ARHGAP25: variants seen among roughly 807,000 people sequenced by gnomAD.
ARHGAP25 encodes the protein rho GTPase-activating protein 25.
A neutral mutation model predicts 71.0 loss-of-function variants in ARHGAP25; 34 were observed. That is an observed-to-expected ratio of 0.48 (90% CI 0.36 to 0.64). The LOEUF (loss-of-function observed/expected upper bound fraction) is 0.64. Ranked by LOEUF, ARHGAP25 falls within the 30% of genes least tolerant of loss-of-function variation. The probability of loss-of-function intolerance (pLI) is 0.00; values close to 1 mark genes in which losing one functional copy is unlikely to be tolerated. For synonymous variants in ARHGAP25, 282 were observed against 296.5 expected, an observed-to-expected ratio of 0.95 and a Z score of 0.50; for missense variants, 706 against 805.1, an observed-to-expected ratio of 0.88 and a Z score of 1.49.
chr2:68,796,355 C>T (rs1415992930), intron 4 of ARHGAP25, among the ~76,000 whole-genome samples: 2 of 152,214 alleles, frequency 1.3e-5, no homozygotes, highest in Non-Finnish European at 2.9e-5. Flanking sequence ...TGGTTAGGAG[C>T]TATTGCTAGA....
At chr2:68,720,123 A>G (rs563997289) in intron 2 of ARHGAP25, among the ~76,000 whole-genome samples, 4 of 152,248 alleles carry the variant, frequency 2.6e-5, no homozygotes, top group Non-Finnish European at 4.4e-5. Context: ...TCTAGAAATC[A>G]CACACCCAGT....
chr2:68,736,603 T>A (rs1180857329), intron 1 of ARHGAP25, among the ~76,000 whole-genome samples: 1 of 152,182 alleles, frequency 6.6e-6, no homozygotes, highest in Non-Finnish European at 1.5e-5. Context: ...CAATTAATAG[T>A]TAAATGATTT....
intron 1 of ARHGAP25, among the ~76,000 whole-genome samples, chr2:68,738,948 A>G (rs1259152269): frequency 6.6e-6 from 1 of 152,186 alleles, no homozygotes; most frequent in Non-Finnish European, 1.5e-5. Flanking sequence ...TGGTTATTTA[A>G]GTAAAAATGT....
intron 1 of ARHGAP25, among the ~76,000 whole-genome samples, chr2:68,758,854 A>G (rs922988748): frequency 1.3e-5 from 2 of 151,926 alleles, no homozygotes; most frequent in African/African-American, 4.8e-5. Context: ...ATATATTAGG[A>G]CACAATTTAA....
chr2:68,736,351 G>A (rs1244339027), intron 1 of ARHGAP25, among the ~76,000 whole-genome samples: 8 of 152,204 alleles, frequency 5.3e-5, no homozygotes. Context: ...GCTGAGGTCA[G>A]TTCAGAGAAA....
chr2:68,787,813 C>T, intron 3 of ARHGAP25, 27 bp from the exon 4 acceptor site: 1 of 1,589,098 alleles, frequency 6.3e-7, no homozygotes, highest in Non-Finnish European at 8.6e-7. Context: ...ACTCTAAGAC[C>T]TTCACAAGTG....
chr2:68,777,105 C>T (rs1196993034), intron 2 of ARHGAP25, among the ~76,000 whole-genome samples: 1 of 152,066 alleles, frequency 6.6e-6, no homozygotes, highest in Non-Finnish European at 1.5e-5. Flanking sequence ...TTATAAACAC[C>T]CCAGACCTTA....
At position 68,775,266 on chromosome 2, in the gene ARHGAP25, A is replaced by G. The variant is rs1264565016; in HGVS notation, c.107A>G (p.His36Arg). 1 of 1,614,190 alleles carries G rather than the reference A, an allele frequency of 6.2e-7. No homozygotes were observed. Among genetic ancestry groups the G allele is most frequent in the Non-Finnish European group, 8.5e-7 (1 of 1,180,034 alleles). ...VMTGEQMAAF[H>R]PSSTPNPLER... ...ACTGGCGAGCAGATGGCTGCCTTCC[A>G]TCCATCGTCCACCCCCAACCCGCTG... The change falls in exon 2 of 11, where the codon CAT becomes CGT. Residue 36 changes from histidine (H) to arginine (R), a missense_variant. His to Arg is a conservative substitution (Grantham distance 29). Coordinates refer to ENST00000409202, the MANE Select transcript of ARHGAP25 (RefSeq NM_001007231.3).
At chr2:68,802,619 C>T (rs1196308794) in intron 4 of ARHGAP25, among the ~76,000 whole-genome samples, 2 of 150,692 alleles carry the variant, frequency 1.3e-5, no homozygotes, top group Non-Finnish European at 1.5e-5. Flanking sequence ...ACAGGAGAAG[C>T]AGTGATTTAG....
intron 1 of ARHGAP25, chr2:68,735,479 C>T (rs925950880): frequency 1.0e-5 from 6 of 601,872 alleles, no homozygotes; most frequent in African/African-American, 1.9e-5. Context: ...GATGGCACTC[C>T]TTGGTGTGCA....
exon 2 of ARHGAP25, chr2:68,710,692 G>C (rs1471161256): frequency 6.6e-6 from 1 of 152,176 alleles, no homozygotes; most frequent in African/African-American, 2.4e-5. Flanking sequence ...ATATGTCTCT[G>C]CAGCAGGTGA....
intron 1 of ARHGAP25, among the ~76,000 whole-genome samples, chr2:68,741,164 G>T (rs1453076595): frequency 6.6e-6 from 1 of 152,202 alleles, no homozygotes; most frequent in East Asian, 1.9e-4. Flanking sequence ...TACCCTCGCA[G>T]AATAGGGCTC....
At chr2:68,793,449 G>A (rs1256521034) in intron 4 of ARHGAP25, among the ~76,000 whole-genome samples, 1 of 152,020 alleles carries the variant, frequency 6.6e-6, no homozygotes, top group Non-Finnish European at 1.5e-5. Context: ...CTTGATTTTT[G>A]TATATGGTGA....
rs531783946 is a variant in ARHGAP25, at chr2:68,826,680, G to A, written c.*486G>A. On this transcript the variant is annotated 3_prime_UTR_variant, in exon 11 of 11. Transcript: ENST00000409202. ...TTTGGGGGGCTGCATCTGCTGAAGC[G>A]AGAACCCCATTCTGCCACCCCACCA... 3.8e-5 allele frequency: 8 copies of A among 208,012 alleles called. No homozygotes were observed. The highest frequency in any genetic ancestry group is 7.0e-5 in the African/African-American group (3 of 43,112). The allele number at this position is 208,012 out of a possible 1,614,324, so 12.9% of individuals were successfully genotyped here.
At chr2:68,748,331 C>A (rs1675958244) in intron 1 of ARHGAP25, among the ~76,000 whole-genome samples, 2 of 152,154 alleles carry the variant, frequency 1.3e-5, no homozygotes, top group African/African-American at 4.8e-5. Flanking sequence ...CTTTCCTGAC[C>A]CTAGCATATA....
Position 68,736,934 on chromosome 2 carries a change from C to G in ARHGAP25, c.61+1674C>G, listed in dbSNP as rs115555146. On this transcript the variant is annotated intron_variant, in intron 1 of 10. Coordinates refer to ENST00000409202, the MANE Select transcript of ARHGAP25 (RefSeq NM_001007231.3). ...ACTAGCCCCAGCAGACAGTTTTCAC[C>G]CATTTAGTATAGGGCACAGTGCTTG... Among the ~76,000 whole-genome samples the G allele has an allele frequency of 3.6e-3, 551 of 152,172 alleles. 2 individuals are homozygous for G. Among genetic ancestry groups the G allele is most frequent in the African/African-American group, 0.013 (523 of 41,520 alleles).
intron 1 of ARHGAP25, among the ~76,000 whole-genome samples, chr2:68,758,190 G>A (rs751502299): frequency 6.6e-6 from 1 of 151,810 alleles, no homozygotes; most frequent in African/African-American, 2.4e-5. Flanking sequence ...AGTAATGCAG[G>A]GAATGGAGGA....
intron 4 of ARHGAP25, among the ~76,000 whole-genome samples, chr2:68,791,025 C>T (rs12478131): frequency 0.31 from 46,878 of 152,066 alleles, 7,748 homozygotes; most frequent in East Asian, 0.37. Flanking sequence ...CTGTTTCCTT[C>T]GCTGGGAATC....
At chr2:68,806,267 G>C (rs546869778) in intron 4 of ARHGAP25, among the ~76,000 whole-genome samples, 2 of 152,292 alleles carry the variant, frequency 1.3e-5, no homozygotes, top group Admixed American at 1.3e-4. Flanking sequence ...ATTATGCATT[G>C]TACTGCATAC....
Sources: allele counts gnomAD v4.1 joint callset (sites outside exome capture counted in the v4.1 genomes callset), GRCh38; gene constraint gnomAD v4.1.1; transcripts MANE v1.5; gene names NCBI Gene and HGNC (gene_info 2026-07-23, HGNC 2026-07-21).